Variants in SHANK2 observed in about 807,000 individuals in gnomAD.
The protein encoded by SHANK2 is SH3 and multiple ankyrin repeat domains protein 2.
In SHANK2, 43 loss-of-function variants were observed where a neutral mutation model predicts 133.7. The observed-to-expected ratio is 0.32, with a 90% CI of 0.25 to 0.41. SHANK2 has a LOEUF of 0.41. SHANK2 is among the 10% of genes least tolerant of loss of function. The pLI is 1.00. For synonymous variants in SHANK2, 1,017 were observed against 952.8 expected, an observed-to-expected ratio of 1.07 and a Z score of -1.24; for missense variants, 1,994 against 2,235.8, an observed-to-expected ratio of 0.89 and a Z score of 2.18.
chr11:70,681,379 C>T (rs370972204), intron 15 of SHANK2, among the ~76,000 whole-genome samples: 5 of 152,190 alleles, frequency 3.3e-5, no homozygotes, highest in African/African-American at 4.8e-5. Flanking sequence ...CCAGCCTCAG[C>T]GGTAACCTTC....
chr11:70,577,041 C>G (rs1554984432), intron 17 of SHANK2, among the ~76,000 whole-genome samples: 1 of 152,180 alleles, frequency 6.6e-6, no homozygotes, highest in East Asian at 1.9e-4. Context: ...ACGGAGGCCA[C>G]GCCGCTGTCT....
chr11:70,632,328 T>C (rs1010917983), intron 17 of SHANK2, among the ~76,000 whole-genome samples: 3 of 151,918 alleles, frequency 2.0e-5, no homozygotes, highest in East Asian at 1.9e-4. Context: ...GGTTTTACCG[T>C]GTTAGCCAGG....
chr11:71,177,919 G>A (rs1228884311), intron 2 of SHANK2, among the ~76,000 whole-genome samples: 1 of 152,168 alleles, frequency 6.6e-6, no homozygotes. Flanking sequence ...ATAATAATAA[G>A]TGGAAAATGA....
intron 15 of SHANK2, among the ~76,000 whole-genome samples, chr11:70,680,283 C>T (rs773667572): frequency 3.9e-5 from 6 of 152,188 alleles, no homozygotes; most frequent in African/African-American, 7.2e-5. Flanking sequence ...GCTGTAACAA[C>T]GTAACACAAA....
intron 17 of SHANK2, among the ~76,000 whole-genome samples, chr11:70,611,759 A>G (rs2060660404): frequency 6.6e-6 from 1 of 152,178 alleles, no homozygotes; most frequent in South Asian, 2.1e-4. Flanking sequence ...CTAGCCATTT[A>G]GGAAGAATTT....
At chr11:70,922,268 A>G (rs1950362939) in intron 10 of SHANK2, among the ~76,000 whole-genome samples, 1 of 152,214 alleles carries the variant, frequency 6.6e-6, no homozygotes, top group African/African-American at 2.4e-5. Context: ...CAGAACGGAC[A>G]CATATAAGAC....
intron 17 of SHANK2, among the ~76,000 whole-genome samples, chr11:70,593,946 T>C (rs10899223): frequency 0.52 from 79,077 of 151,598 alleles, 21,016 homozygotes; most frequent in African/African-American, 0.63. Context: ...TGGTGTCAGA[T>C]GCTGAGTGAA....
At chr11:70,523,546 C>T (rs1416581496) in intron 17 of SHANK2, among the ~76,000 whole-genome samples, 4 of 152,244 alleles carry the variant, frequency 2.6e-5, no homozygotes, top group South Asian at 2.1e-4. Context: ...GGAGGATCCC[C>T]GGTGCTGCCC....
intron 17 of SHANK2, among the ~76,000 whole-genome samples, chr11:70,595,242 G>C (rs1468003294): frequency 6.6e-6 from 1 of 152,164 alleles, no homozygotes; most frequent in African/African-American, 2.4e-5. Context: ...CAGTTTGAAG[G>C]GTGCAGCCCG....
intron 7 of SHANK2, among the ~76,000 whole-genome samples, chr11:71,093,181 G>A (rs978688434): frequency 1.3e-5 from 2 of 152,026 alleles, no homozygotes; most frequent in African/African-American, 2.4e-5. Flanking sequence ...ACCCTTCCTC[G>A]GCCTGGTCAA....
At chr11:71,165,450 G>A (rs1258261416) in intron 2 of SHANK2, among the ~76,000 whole-genome samples, 5 of 152,224 alleles carry the variant, frequency 3.3e-5, no homozygotes, top group Admixed American at 2.6e-4. Context: ...CCCCAGGTGT[G>A]TGTGCGTGTC....
intron 2 of SHANK2, among the ~76,000 whole-genome samples, chr11:71,158,483 A>G (rs1952946474): frequency 6.6e-6 from 1 of 152,250 alleles, no homozygotes; most frequent in Admixed American, 6.5e-5. Flanking sequence ...GGTAGACCCA[A>G]ATAAATGAAG....
intron 6 of SHANK2, among the ~76,000 whole-genome samples, chr11:71,100,348 A>G (rs531051711): frequency 6.6e-6 from 1 of 152,380 alleles, no homozygotes; most frequent in African/African-American, 2.4e-5. Flanking sequence ...ATCGTTGCCA[A>G]AAATGGCAAA....
intron 17 of SHANK2, among the ~76,000 whole-genome samples, chr11:70,579,110 C>T (rs145041445): frequency 6.6e-6 from 1 of 152,324 alleles, no homozygotes; most frequent in Non-Finnish European, 1.5e-5. Context: ...CTAGGCCCTA[C>T]TCTGATTTAT....
At chr11:71,179,654 G>A (rs147594153) in intron 2 of SHANK2, among the ~76,000 whole-genome samples, 1 of 152,304 alleles carries the variant, frequency 6.6e-6, no homozygotes, top group African/African-American at 2.4e-5. Flanking sequence ...ATCCTTGTTT[G>A]CAGAAGACAT....
At chr11:70,518,734 C>T (rs993206032) in intron 17 of SHANK2, among the ~76,000 whole-genome samples, 2 of 152,172 alleles carry the variant, frequency 1.3e-5, no homozygotes, top group South Asian at 2.1e-4. Context: ...CTTTCTGCGA[C>T]GAGACAGCAC....
chr11:70,689,061 G>A lies in SHANK2; in HGVS notation c.1853+9627C>T, dbSNP rs566689593. ...GGAACGTGCAGTTCACCTGAGCTCT[G>A]CCGTGAGAGCAGTTACGTGCAGAGA... On this transcript the variant is annotated intron_variant, in intron 15 of 25. Transcript: ENST00000601538. Among the ~76,000 whole-genome samples the A allele has an allele frequency of 4.6e-5, 7 of 152,334 alleles. No individual in the cohort carries two copies. The South Asian group carries it at 1.0e-3, about 23-fold the overall frequency.
Position 70,820,664 on chromosome 11 carries a change from G to A in SHANK2, c.1193C>T (p.Pro398Leu), listed in dbSNP as rs1555055747. Residue 398 changes from proline (P) to leucine (L), a missense_variant, in exon 12 of 26, where the codon CCG (proline) becomes CTG (leucine). Around this residue, in one of 5 missense-constraint regions of SHANK2, gnomAD observed 653 missense variants for 563.4 expected, o/e 1.16. Transcript: ENST00000601538. ...ETDIVPFREA[P>L]AYSNRRRRPP... ...CCGCCGCCGGCGGTTGGAGTACGCCGGGGCCTCTCGGAAGGGCACTGGGGA... is the reference window on the plus strand; with the variant it reads ...CCGCCGCCGGCGGTTGGAGTACGCCAGGGCCTCTCGGAAGGGCACTGGGGA... The A allele has an allele frequency of 5.8e-6, 4 of 690,022 alleles. No homozygotes were observed. The highest frequency in any genetic ancestry group is 2.3e-4 in the Middle Eastern group (1 of 4,260). 42.7% of individuals were successfully genotyped at this position (690,022 alleles called of 1,614,324 possible). A position where few individuals can be genotyped will look rare whatever the true frequency, so the allele number is the denominator to read the frequency against.
At chr11:71,069,472 C>T (rs925875125) in intron 9 of SHANK2, among the ~76,000 whole-genome samples, 6 of 152,084 alleles carry the variant, frequency 3.9e-5, no homozygotes, top group Admixed American at 6.5e-5. Flanking sequence ...AGCCTCATGA[C>T]GACCATCAGC....
Sources: allele counts gnomAD v4.1 joint callset (sites outside exome capture counted in the v4.1 genomes callset), GRCh38; gene constraint gnomAD v4.1.1; regional missense constraint gnomAD v4.1.1; transcripts MANE v1.5; gene names NCBI Gene and HGNC (gene_info 2026-07-23, HGNC 2026-07-21).